Variants in SCLT1 observed in about 807,000 individuals in gnomAD.
The protein encoded by SCLT1 is sodium channel and clathrin linker 1.
A neutral mutation model predicts 112.8 loss-of-function variants in SCLT1; 78 were observed. The observed-to-expected ratio is 0.69, with a 90% CI of 0.58 to 0.83. SCLT1 has a LOEUF of 0.83. Among genes scored for constraint, SCLT1 ranks in the 40% least tolerant of loss-of-function variants. SCLT1 has a pLI of 0.00. For missense variants in SCLT1, 747 were observed against 770.4 expected, an observed-to-expected ratio of 0.97 and a Z score of 0.36; for synonymous variants, 257 against 254.7, an observed-to-expected ratio of 1.01 and a Z score of -0.09.
intron 3 of SCLT1, chr4:128,876,724 G>T (rs1313397364): frequency 6.6e-6 from 1 of 152,120 alleles, no homozygotes; most frequent in Non-Finnish European, 1.5e-5. Flanking sequence ...ACTCAGTTTG[G>T]TATTTCTGCA....
At chr4:129,023,810 C>G (rs1396657009) in intron 5 of SCLT1, among the ~76,000 whole-genome samples, 3 of 152,170 alleles carry the variant, frequency 2.0e-5, no homozygotes, top group Non-Finnish European at 4.4e-5. Context: ...CAGACTGCAC[C>G]TGGAAAATCG....
chr4:129,005,026 A>AC (rs1195069753), intron 5 of SCLT1, among the ~76,000 whole-genome samples: 4 of 151,868 alleles, frequency 2.6e-5, no homozygotes, highest in African/African-American at 9.7e-5. Flanking sequence ...TAGAAAAGAT[A>AC]CCCCAAGTCC....
chr4:128,934,357 A>G, intron 18 of SCLT1, among the ~76,000 whole-genome samples: 1 of 151,312 alleles, frequency 6.6e-6, no homozygotes, highest in Non-Finnish European at 1.5e-5. Flanking sequence ...ATACTGTTAT[A>G]TTACTTTTTT....
chr4:129,005,682 C>T lies in SCLT1; in HGVS notation c.291-1806G>A, dbSNP rs1234891644. Among the ~76,000 whole-genome samples, 11 of 151,970 alleles carry T rather than the reference C, an allele frequency of 7.2e-5. No homozygotes were observed. The East Asian group carries it at 1.9e-3, about 27-fold the overall frequency. On this transcript the variant is annotated intron_variant, in intron 5 of 20. Transcript: ENST00000281142. ...CATTACTGGGTATATACCCAAAGGACTATAAATCATGCTGCTATAAAGACA... is the reference window on the plus strand; with the variant it reads ...CATTACTGGGTATATACCCAAAGGATTATAAATCATGCTGCTATAAAGACA...
intron 18 of SCLT1, among the ~76,000 whole-genome samples, chr4:128,924,032 T>C (rs1039944958): frequency 2.0e-5 from 3 of 152,086 alleles, no homozygotes; most frequent in Admixed American, 2.0e-4. Context: ...CAGGTTGGTC[T>C]ATGTGTGGAT....
At chr4:128,895,973 G>A (rs903591668) in intron 18 of SCLT1, among the ~76,000 whole-genome samples, 39 of 152,336 alleles carry the variant, frequency 2.6e-4, no homozygotes, top group South Asian at 6.2e-4. Flanking sequence ...ACTGCAAGGC[G>A]GCAGCGAGGC....
chr4:129,069,966 G>T (rs1396204678), intron 2 of SCLT1, among the ~76,000 whole-genome samples: 1 of 152,034 alleles, frequency 6.6e-6, no homozygotes, highest in African/African-American at 2.4e-5. Context: ...ATCCTAAAGG[G>T]GTGCCAGACT....
intron 5 of SCLT1, among the ~76,000 whole-genome samples, chr4:129,023,595 T>A (rs765584015): frequency 6.6e-6 from 1 of 152,162 alleles, no homozygotes; most frequent in Non-Finnish European, 1.5e-5. Context: ...GGTCTACAGC[T>A]CCCAGCGTGA....
intron 18 of SCLT1, among the ~76,000 whole-genome samples, chr4:128,921,021 C>A (rs1735840075): frequency 6.6e-6 from 1 of 152,116 alleles, no homozygotes; most frequent in Non-Finnish European, 1.5e-5. Flanking sequence ...GACATCTAAG[C>A]AGAGACCCAA....
chr4:129,061,548 A>G (rs1308959908), intron 2 of SCLT1, among the ~76,000 whole-genome samples: 4 of 152,136 alleles, frequency 2.6e-5, no homozygotes, highest in African/African-American at 7.2e-5. Context: ...TTTTGCTAGA[A>G]TGTGGGATGC....
chr4:128,937,565 T>TTC (rs1737318472), intron 17 of SCLT1, among the ~76,000 whole-genome samples: 1 of 152,216 alleles, frequency 6.6e-6, no homozygotes, highest in East Asian at 1.9e-4. Context: ...TTGACTTACA[T>TTC]ACTAAATTTG....
chr4:129,024,614 C>A (rs1291233409), intron 5 of SCLT1, among the ~76,000 whole-genome samples: 13 of 152,212 alleles, frequency 8.5e-5, no homozygotes, highest in South Asian at 4.1e-4. Flanking sequence ...CAGAGCAGAA[C>A]AACTGGAAAC....
At chr4:128,907,626 T>G (rs1296208565) in intron 18 of SCLT1, among the ~76,000 whole-genome samples, 3 of 152,176 alleles carry the variant, frequency 2.0e-5, no homozygotes, top group African/African-American at 7.2e-5. Context: ...AAATACTCAG[T>G]AGAGAGTTGG....
intron 5 of SCLT1, among the ~76,000 whole-genome samples, chr4:129,006,855 T>C (rs532258924): frequency 1.1e-4 from 16 of 152,346 alleles, no homozygotes; most frequent in African/African-American, 3.8e-4. Flanking sequence ...AAGACATCAT[T>C]ATTTTTAGAC....
chr4:129,051,324 C>T (rs1297274944), intron 2 of SCLT1, among the ~76,000 whole-genome samples: 2 of 152,088 alleles, frequency 1.3e-5, no homozygotes, highest in Non-Finnish European at 2.9e-5. Context: ...CACAGCATGG[C>T]CATTTTCACA....
intron 11 of SCLT1, among the ~76,000 whole-genome samples, chr4:128,960,311 ATAT>A (rs1739577721): frequency 6.6e-6 from 1 of 152,160 alleles, no homozygotes; most frequent in South Asian, 2.1e-4. Context: ...ATATACACAC[ATAT>A]TATACATACA....
chr4:128,936,891 T>A, intron 17 of SCLT1, 40 bp from the exon 18 acceptor site: 1 of 998,506 alleles, frequency 1.0e-6, no homozygotes, highest in Non-Finnish European at 1.5e-6. Context: ...TTTTCTTTTC[T>A]TATAGGTGCT....
chr4:128,998,591 A>G (rs551222975), intron 7 of SCLT1, among the ~76,000 whole-genome samples: 1 of 152,000 alleles, frequency 6.6e-6, no homozygotes, highest in African/African-American at 2.4e-5. Flanking sequence ...TCAGGTGAAA[A>G]CAAAACAAAA....
chr4:129,048,987 C>G lies in SCLT1; in HGVS notation c.103-4936G>C, dbSNP rs569560425. ...TTAAAAAGCCAGGAAACAACAGGTG[C>G]TGGAGAGGATGTGGAGAAATAGGAA... is the stretch of plus-strand genomic sequence containing the variant. On this transcript the variant is annotated intron_variant, in intron 2 of 20. Transcript: ENST00000281142. Among the ~76,000 whole-genome samples, 820 of 151,676 alleles carry G rather than the reference C, an allele frequency of 5.4e-3. 6 individuals are homozygous for G. Among genetic ancestry groups the G allele is most frequent in the African/African-American group, 0.019 (773 of 41,296 alleles).
Sources: allele counts gnomAD v4.1 joint callset (sites outside exome capture counted in the v4.1 genomes callset), GRCh38; gene constraint gnomAD v4.1.1; transcripts MANE v1.5; gene names NCBI Gene and HGNC (gene_info 2026-07-23, HGNC 2026-07-21).